Variants in ME2 observed in about 807,000 individuals in gnomAD.
The protein encoded by ME2 is malic enzyme 2, also known as NAD-dependent malic enzyme, mitochondrial.
In ME2, 60 loss-of-function variants were observed where a neutral mutation model predicts 73.7. The ratio of observed to expected loss-of-function variants is 0.81; its 90% CI spans 0.66 to 1.01. The LOEUF is 1.01. ME2 is among the 50% of genes least tolerant of loss of function. ME2 has a pLI of 0.00. For synonymous variants in ME2, 199 were observed against 236.9 expected (o/e 0.84, Z 1.47); for missense variants, 594 against 705.5 (o/e 0.84, Z 1.79).
chr18:50,930,561 T>TA (rs2144254115), intron 12 of ME2, among the ~76,000 whole-genome samples: 1 of 152,298 alleles, frequency 6.6e-6, no homozygotes, highest in Admixed American at 6.5e-5. Flanking sequence ...ATGGATTAAT[T>TA]ATTGAGTTAA....
chr18:50,895,980 A>G (rs952633671), intron 2 of ME2, 52 bp downstream of exon 2: 1 of 1,276,688 alleles, frequency 7.8e-7, no homozygotes, highest in Non-Finnish European at 1.1e-6. Context: ...TTAAAGTTTG[A>G]TATATTTAAG....
chr18:50,953,741 A>C lies in ME2; in HGVS notation c.*6557A>C, dbSNP rs1157255048. 2 of 152,226 alleles carry C rather than the reference A, an allele frequency of 1.3e-5. No homozygotes were observed. Among genetic ancestry groups the C allele is most frequent in the Non-Finnish European group, 2.9e-5 (2 of 68,044 alleles). 9.4% of individuals were successfully genotyped at this position (152,226 alleles called of 1,614,324 possible). On this transcript the variant is annotated 3_prime_UTR_variant, in exon 16 of 16. Coordinates refer to ENST00000321341, the MANE Select transcript of ME2 (RefSeq NM_002396.5). Reference sequence around the variant, plus strand: ...TAAGTGATATCTATGTATTGTATACACATATTCCATTGAAAGGTGAGAATA... The same window carrying C: ...TAAGTGATATCTATGTATTGTATACCCATATTCCATTGAAAGGTGAGAATA...
At chr18:50,882,635 G>T (rs1916350994) in intron 1 of ME2, among the ~76,000 whole-genome samples, 1 of 152,072 alleles carries the variant, frequency 6.6e-6, no homozygotes, top group Non-Finnish European at 1.5e-5. Context: ...TTCTGTCAAG[G>T]TTGAGAATCT....
intron 3 of ME2, among the ~76,000 whole-genome samples, chr18:50,911,171 G>A (rs2144222397): frequency 6.6e-6 from 1 of 152,256 alleles, no homozygotes; most frequent in East Asian, 1.9e-4. Context: ...TGCCTCATAG[G>A]TCATCTGTTC....
chr18:50,891,488 C>G (rs550753319), intron 1 of ME2, among the ~76,000 whole-genome samples: 1 of 152,256 alleles, frequency 6.6e-6, no homozygotes, highest in East Asian at 1.9e-4. Flanking sequence ...GCAAAATTTT[C>G]TCATAAATAC....
intron 1 of ME2, among the ~76,000 whole-genome samples, chr18:50,888,135 A>G (rs1470237437): frequency 6.6e-6 from 1 of 152,168 alleles, no homozygotes; most frequent in African/African-American, 2.4e-5. Context: ...TGAGCCCAGA[A>G]GTTGGAGACC....
At position 50,891,414 on chromosome 18, in the gene ME2, G is replaced by C. The variant is rs144660155; in HGVS notation, c.-12-4395G>C. 1.4e-3 allele frequency among the ~76,000 whole-genome samples: 216 copies of C among 152,240 alleles called. 1 individual carries two copies. The highest frequency in any genetic ancestry group is 2.5e-3 in the Non-Finnish European group (167 of 68,008). ...AGGAGTTTTACTTTGTTTTAAATCT[G>C]AATTCTGCTTGCTCTGTTCCTTTTG... On this transcript the variant is annotated intron_variant, in intron 1 of 15. Transcript: ENST00000321341.
In ME2 at chr18:50,947,418, G is replaced by GC. The variant is rs1918112909; in HGVS notation, c.*237dup. 1 of 470,158 alleles carries GC rather than the reference G, an allele frequency of 2.1e-6. No homozygotes were observed. The highest frequency in any genetic ancestry group is 3.7e-5 in the Admixed American group (1 of 27,156). 29.1% of individuals were successfully genotyped at this position (470,158 alleles called of 1,614,324 possible). On this transcript the variant is annotated 3_prime_UTR_variant, in exon 16 of 16. Coordinates refer to ENST00000321341, the MANE Select transcript of ME2 (RefSeq NM_002396.5). ...TGTGATGCTTTAATTCTAACATACA[G>GC]CCCGTACCACATCCAGGAGATGTAA...
chr18:50,899,947 A>G (rs1033060), intron 2 of ME2, among the ~76,000 whole-genome samples: 39,167 of 152,166 alleles, frequency 0.26, 6,227 homozygotes, highest in Admixed American at 0.35. Context: ...AAAATCTGAC[A>G]TGATTGGTGC....
intron 7 of ME2, among the ~76,000 whole-genome samples, chr18:50,919,729 G>T (rs1191865232): frequency 6.6e-6 from 1 of 151,890 alleles, no homozygotes; most frequent in Non-Finnish European, 1.5e-5. Context: ...TTCCTAAAGG[G>T]AGTCATATGT....
chr18:50,886,134 A>G (rs2144180426), intron 1 of ME2, among the ~76,000 whole-genome samples: 1 of 150,586 alleles, frequency 6.6e-6, no homozygotes, highest in South Asian at 2.1e-4. Flanking sequence ...GTGTGTATAT[A>G]TTTATACTAT....
intron 2 of ME2, among the ~76,000 whole-genome samples, chr18:50,897,577 T>A (rs1291056031): frequency 6.6e-6 from 1 of 151,926 alleles, no homozygotes; most frequent in Admixed American, 6.6e-5. Flanking sequence ...AATACAAAAT[T>A]AGGCCGGACA....
intron 1 of ME2, among the ~76,000 whole-genome samples, chr18:50,887,158 T>C (rs1478597781): frequency 6.6e-6 from 1 of 152,156 alleles, no homozygotes; most frequent in Non-Finnish European, 1.5e-5. Flanking sequence ...ATAAGTATAA[T>C]ATATGTTTAA....
chr18:50,908,956 CTTT>C (rs71171364), intron 3 of ME2, among the ~76,000 whole-genome samples: 26 of 127,324 alleles, frequency 2.0e-4, no homozygotes, highest in Admixed American at 2.4e-4. Flanking sequence ...CTTTTCTTTT[CTTT>C]TTTTTTTTTT....
In ME2 at chr18:50,900,407, G is replaced by C. The variant is rs71357264; in HGVS notation, c.108+4479G>C. Among the ~76,000 whole-genome samples the C allele has an allele frequency of 6.7e-3, 1,013 of 151,838 alleles. 2 individuals are homozygous for C. Among genetic ancestry groups the C allele is most frequent in the Middle Eastern group, 0.02 (6 of 294 alleles). ...CCTTCTGGGTTCATGCCATGCTCCT[G>C]CCTCAGCCTCCCTAGTAGCTGGGAG... On this transcript the variant is annotated intron_variant, in intron 2 of 15. Transcript: ENST00000321341.
intron 2 of ME2, 115 bp from the exon 3 acceptor site, chr18:50,907,948 C>A: frequency 1.3e-6 from 1 of 769,010 alleles, no homozygotes; most frequent in Non-Finnish European, 2.0e-6. Flanking sequence ...AAAGCCTGGG[C>A]AAAAATAATA....
intron 12 of ME2, among the ~76,000 whole-genome samples, chr18:50,929,053 T>G (rs1037969541): frequency 2.5e-4 from 38 of 152,244 alleles, no homozygotes; most frequent in Non-Finnish European, 4.7e-4. Flanking sequence ...TTTTTTAAAT[T>G]GTAACCAGAG....
At chr18:50,906,906 T>G (rs1312515211) in intron 2 of ME2, among the ~76,000 whole-genome samples, 1 of 152,218 alleles carries the variant, frequency 6.6e-6, no homozygotes, top group Non-Finnish European at 1.5e-5. Context: ...CCACAGCTCA[T>G]GTATGTGACC....
At chr18:50,914,983 G>T (rs1304036875) in intron 4 of ME2, among the ~76,000 whole-genome samples, 2 of 151,964 alleles carry the variant, frequency 1.3e-5, no homozygotes, top group African/African-American at 4.8e-5. Context: ...TTCAAAACAT[G>T]TTGTACATGA....
Sources: gnomAD v4.1 joint callset for allele counts (sites outside exome capture counted in the v4.1 genomes callset) on GRCh38, gnomAD v4.1.1 for gene constraint, MANE v1.5 for transcripts, NCBI Gene and HGNC (gene_info 2026-07-23, HGNC 2026-07-21) for gene names.